The following MACROD1 variants were observed in gnomAD, a reference collection of about 807,000 sequenced individuals.
MACROD1 encodes the protein mono-ADP ribosylhydrolase 1, also known as ADP-ribose glycohydrolase MACROD1.
MACROD1 carries 31 observed loss-of-function variants against 41.4 expected under a neutral mutation model. The observed-to-expected ratio is 0.75, with a 90% CI of 0.56 to 1.01. The LOEUF is 1.01. MACROD1 is among the 50% of genes least tolerant of loss of function. The pLI is 0.00. For missense variants in MACROD1, 473 were observed against 460.0 expected (o/e 1.03, Z -0.26); for synonymous variants, 252 against 203.4 (o/e 1.24, Z -2.03).
intron 3 of MACROD1, chr11:64,117,015 C>A: frequency 6.2e-7 from 1 of 1,612,560 alleles, no homozygotes; most frequent in East Asian, 2.2e-5. Context: ...CCTACAGAAC[C>A]TCACAGAGCT....
At position 64,119,194 on chromosome 11, in the gene MACROD1, G is replaced by A. The variant is rs1945053821; in HGVS notation, c.517+32045C>T. The A allele has an allele frequency of 2.4e-5, 4 of 166,910 alleles. 1 individual carries two copies. The South Asian group carries it at 8.3e-4, about 35-fold the overall frequency. The allele number at this position is 166,910 out of a possible 1,614,324, so 10.3% of individuals were successfully genotyped here. On this transcript the variant is annotated intron_variant, in intron 3 of 10. Coordinates refer to ENST00000255681, the MANE Select transcript of MACROD1 (RefSeq NM_014067.4). Reference sequence around the variant, plus strand: ...GTGTTGCTTTCTCCTAGAAATCCTTGAGTAAGTAGACCGTGTGTTGGGGAT... The same window carrying A: ...GTGTTGCTTTCTCCTAGAAATCCTTAAGTAAGTAGACCGTGTGTTGGGGAT...
chr11:64,057,788 T>C (rs1182079667), intron 3 of MACROD1, among the ~76,000 whole-genome samples: 1 of 152,236 alleles, frequency 6.6e-6, no homozygotes, highest in African/African-American at 2.4e-5. Flanking sequence ...GCGCTTACTC[T>C]GTACTTGGTG....
At chr11:64,085,069 A>G (rs1944370440) in intron 3 of MACROD1, among the ~76,000 whole-genome samples, 1 of 152,230 alleles carries the variant, frequency 6.6e-6, no homozygotes, top group Non-Finnish European at 1.5e-5. Flanking sequence ...AGGTTCAGTC[A>G]TTGCACAGAT....
intron 3 of MACROD1, among the ~76,000 whole-genome samples, chr11:64,058,919 G>A (rs1235889096): frequency 6.6e-6 from 1 of 152,158 alleles, no homozygotes; most frequent in South Asian, 2.1e-4. Flanking sequence ...CTGGAGGTGG[G>A]GGTGAGTGAC....
At chr11:64,056,721 C>T (rs1207651290) in intron 3 of MACROD1, among the ~76,000 whole-genome samples, 4 of 152,182 alleles carry the variant, frequency 2.6e-5, no homozygotes, top group African/African-American at 7.2e-5. Flanking sequence ...GCAGAGAACC[C>T]GGCAGGGGTG....
intron 3 of MACROD1, among the ~76,000 whole-genome samples, chr11:64,053,368 C>T (rs1361480483): frequency 6.6e-6 from 1 of 152,234 alleles, no homozygotes; most frequent in Non-Finnish European, 1.5e-5. Flanking sequence ...GCTCTGTTAA[C>T]TGGGGCTGTC....
chr11:64,069,807 G>GC (rs1238251384), intron 3 of MACROD1, among the ~76,000 whole-genome samples: 1 of 152,218 alleles, frequency 6.6e-6, no homozygotes, highest in Non-Finnish European at 1.5e-5. Context: ...CGCAGCAGAC[G>GC]CAACAGGCTT....
intron 3 of MACROD1, among the ~76,000 whole-genome samples, chr11:64,055,252 C>T (rs1053629959): frequency 1.4e-4 from 21 of 152,346 alleles, no homozygotes; most frequent in Admixed American, 2.0e-4. Context: ...AGCTTTGCCT[C>T]GAATTTGCCT....
chr11:64,033,280 A>G (rs556447972), intron 3 of MACROD1, among the ~76,000 whole-genome samples: 1 of 152,262 alleles, frequency 6.6e-6, no homozygotes, highest in Non-Finnish European at 1.5e-5. Flanking sequence ...CCTGGCACAC[A>G]GTGGACTCCC....
intron 2 of MACROD1, among the ~76,000 whole-genome samples, chr11:64,151,566 C>T (rs1212096071): frequency 6.6e-6 from 1 of 152,226 alleles, no homozygotes; most frequent in Non-Finnish European, 1.5e-5. Context: ...TGCATCTTCA[C>T]AGCAAGGCCA....
chr11:64,064,920 C>T lies in MACROD1; in HGVS notation c.518-49639G>A, dbSNP rs544892650. ...CCCACCTATGACGTGCCAGGCAAGG[C>T]GGCAGGCAGGAGGGCCACCATGGTG... is the stretch of plus-strand genomic sequence containing the variant. On this transcript the variant is annotated intron_variant, in intron 3 of 10. Transcript: ENST00000255681. This position sits in a 1 kb window ranked among gnomAD's most constrained non-coding sequence, Gnocchi z 4.5. 3.3e-5 allele frequency among the ~76,000 whole-genome samples: 5 copies of T among 151,804 alleles called. No individual in the cohort carries two copies. Among genetic ancestry groups the T allele is most frequent in the African/African-American group, 9.7e-5 (4 of 41,328 alleles).
At chr11:64,135,887 C>G (rs997794586) in intron 3 of MACROD1, among the ~76,000 whole-genome samples, 1 of 152,214 alleles carries the variant, frequency 6.6e-6, no homozygotes, top group African/African-American at 2.4e-5. Flanking sequence ...CGCCTGCCCT[C>G]TCTCCCCTTC....
intron 1 of MACROD1, among the ~76,000 whole-genome samples, chr11:64,158,671 T>A (rs755341722): frequency 2.0e-5 from 3 of 152,158 alleles, no homozygotes; most frequent in Non-Finnish European, 4.4e-5. Flanking sequence ...GACAACAATG[T>A]CCCTGCTCTT....
chr11:64,158,164 A>C (rs1207433971), intron 1 of MACROD1, among the ~76,000 whole-genome samples: 2 of 152,196 alleles, frequency 1.3e-5, no homozygotes, highest in Non-Finnish European at 2.9e-5. Context: ...TGGCTTCTGC[A>C]CAGTGTGGTG....
At chr11:64,102,713 A>C (rs1446978304) in intron 3 of MACROD1, among the ~76,000 whole-genome samples, 1 of 152,178 alleles carries the variant, frequency 6.6e-6, no homozygotes, top group East Asian at 1.9e-4. Flanking sequence ...GGAAAGAGGC[A>C]GGAGATAGGG....
intron 4 of MACROD1, chr11:64,001,832 C>T: frequency 1.5e-6 from 1 of 689,160 alleles, no homozygotes; most frequent in Non-Finnish European, 2.7e-6. Context: ...GAATGGGGTG[C>T]CGTGGCTGGG....
intron 4 of MACROD1, among the ~76,000 whole-genome samples, chr11:64,010,409 G>C (rs1285417246): frequency 6.7e-6 from 1 of 149,374 alleles, no homozygotes; most frequent in Non-Finnish European, 1.5e-5. Context: ...GTGTTGGCTG[G>C]AGTGTTGGTT....
chr11:64,110,096 T>A (rs1944833793), intron 3 of MACROD1, among the ~76,000 whole-genome samples: 1 of 152,150 alleles, frequency 6.6e-6, no homozygotes. Flanking sequence ...GCCCCTATTA[T>A]GACCACATTT....
intron 1 of MACROD1, among the ~76,000 whole-genome samples, chr11:64,157,905 A>G (rs1236108619): frequency 1.3e-5 from 2 of 152,148 alleles, no homozygotes. Flanking sequence ...GCCCGCAAGA[A>G]CAGGGTCTTG....
Sources: allele counts gnomAD v4.1 joint callset (sites outside exome capture counted in the v4.1 genomes callset), GRCh38; gene constraint gnomAD v4.1.1; non-coding constraint Gnocchi (gnomAD v3.1); transcripts MANE v1.5; gene names NCBI Gene and HGNC (gene_info 2026-07-23, HGNC 2026-07-21).